ASH1L: variants seen among roughly 807,000 people sequenced by gnomAD.
ASH1L encodes histone-lysine N-methyltransferase ASH1L.
Under a neutral mutation model 269.0 loss-of-function variants are expected in ASH1L, and 23 were observed. The ratio of observed to expected loss-of-function variants is 0.09; its 90% CI spans 0.06 to 0.12. ASH1L has a LOEUF of 0.12. ASH1L is among the 10% of genes least tolerant of loss of function. The probability of loss-of-function intolerance (pLI) is 1.00; values close to 1 mark genes in which losing one functional copy is unlikely to be tolerated. For missense variants in ASH1L, 2,912 were observed against 3,567.8 expected, an observed-to-expected ratio of 0.82 and a Z score of 4.68; for synonymous variants, 1,187 against 1,253.5, an observed-to-expected ratio of 0.95 and a Z score of 1.12.
At chr1:155,370,399 T>G in intron 12 of ASH1L, 105 bp downstream of exon 12, 150 of 1,465,504 alleles carry the variant, frequency 1.0e-4, no homozygotes, top group Non-Finnish European at 1.2e-4. Flanking sequence ...GGGAACAGCC[T>G]GAGCTGCTTT....
At chr1:155,375,695 G>A (rs1245796901) in intron 10 of ASH1L, among the ~76,000 whole-genome samples, 1 of 152,112 alleles carries the variant, frequency 6.6e-6, no homozygotes, top group Non-Finnish European at 1.5e-5. Flanking sequence ...CAAGGATGAA[G>A]GATGAGGCAG....
At chr1:155,517,793 CTT>C (rs780065449) in intron 2 of ASH1L, among the ~76,000 whole-genome samples, 110 of 70,898 alleles carry the variant, frequency 1.6e-3, no homozygotes, top group African/African-American at 5.9e-3. Flanking sequence ...CCAATAATTT[CTT>C]TTTTTTTTTT....
chr1:155,368,193 C>G (rs1655610053), intron 12 of ASH1L, among the ~76,000 whole-genome samples: 1 of 152,086 alleles, frequency 6.6e-6, no homozygotes, highest in Non-Finnish European at 1.5e-5. Flanking sequence ...AGACAGGTCT[C>G]ACCATCTTGC....
chr1:155,380,803 A>ATTTTTTTTTT (rs34017490), intron 7 of ASH1L, among the ~76,000 whole-genome samples: 1 of 126,350 alleles, frequency 7.9e-6, no homozygotes, highest in Non-Finnish European at 1.7e-5. Context: ...GCTAATTTGT[A>ATTTTTTTTTT]TTTTTTTTTT....
intron 7 of ASH1L, among the ~76,000 whole-genome samples, chr1:155,382,647 A>G (rs1310117825): frequency 6.6e-6 from 1 of 152,154 alleles, no homozygotes; most frequent in Non-Finnish European, 1.5e-5. Flanking sequence ...TTTCAGTAGA[A>G]CAAGACATAC....
chr1:155,444,331 G>C (rs1662835120), intron 4 of ASH1L, among the ~76,000 whole-genome samples: 1 of 152,034 alleles, frequency 6.6e-6, no homozygotes, highest in South Asian at 2.1e-4. Flanking sequence ...TTTACAAAGT[G>C]ATTGTTCTAT....
At chr1:155,387,746 G>A (rs115581273) in intron 7 of ASH1L, among the ~76,000 whole-genome samples, 3,391 of 152,110 alleles carry the variant, frequency 0.022, 115 homozygotes, top group African/African-American at 0.078. Flanking sequence ...CCATTTTAAC[G>A]GTATTTATTC....
intron 3 of ASH1L, among the ~76,000 whole-genome samples, chr1:155,471,439 A>T (rs1665090230): frequency 6.6e-6 from 1 of 152,214 alleles, no homozygotes; most frequent in Non-Finnish European, 1.5e-5. Flanking sequence ...CTGAAAATTG[A>T]ATTAAAAAAC....
intron 17 of ASH1L, among the ~76,000 whole-genome samples, chr1:155,350,401 T>C (rs1048022509): frequency 2.0e-5 from 3 of 152,126 alleles, no homozygotes; most frequent in Non-Finnish European, 2.9e-5. Context: ...AAATGACAAT[T>C]CTAAGATTGT....
chr1:155,440,108 G>A (rs776372049), intron 4 of ASH1L, among the ~76,000 whole-genome samples: 1 of 151,930 alleles, frequency 6.6e-6, no homozygotes, highest in Non-Finnish European at 1.5e-5. Flanking sequence ...CCAGGAGTTC[G>A]AGACTAGCCT....
At chr1:155,359,669 G>A (rs762156702) in intron 13 of ASH1L, among the ~76,000 whole-genome samples, 2 of 151,812 alleles carry the variant, frequency 1.3e-5, no homozygotes, top group Non-Finnish European at 2.9e-5. Flanking sequence ...TCCACCTCCC[G>A]GGCTCAAGCA....
intron 2 of ASH1L, among the ~76,000 whole-genome samples, chr1:155,517,924 C>T (rs969179790): frequency 2.0e-5 from 3 of 149,308 alleles, no homozygotes; most frequent in African/African-American, 7.4e-5. Flanking sequence ...CCTCAGCCTC[C>T]CAAGTAGCTG....
Position 155,424,229 on chromosome 1 carries a change from A to C in ASH1L, c.5829-8306T>G, listed in dbSNP as rs186408071. On this transcript the variant is annotated intron_variant, in intron 5 of 27. Transcript: ENST00000392403. ...TCGTAGTAAAAACGATGAGAAATAA[A>C]GAACTTCAAGAGATCACTTTGTACT... is the stretch of plus-strand genomic sequence containing the variant. Among the ~76,000 whole-genome samples, 72 of 152,326 alleles carry C rather than the reference A, an allele frequency of 4.7e-4. No homozygotes were observed. In the East Asian group the frequency reaches 0.012, roughly 26 times the overall value.
intron 1 of ASH1L, among the ~76,000 whole-genome samples, chr1:155,546,945 C>CT (rs71080709): frequency 0.076 from 6,677 of 88,198 alleles, 1,801 homozygotes; most frequent in Non-Finnish European, 0.11. Context: ...TCATCACATT[C>CT]TTTTTTTTTT....
chr1:155,378,581 AT>A, intron 8 of ASH1L, 33 bp from the exon 9 acceptor site: 1 of 1,553,212 alleles, frequency 6.4e-7, no homozygotes, highest in African/African-American at 1.4e-5. Flanking sequence ...TTGATATAGC[AT>A]TTAACTTCAA....
At chr1:155,493,951 T>TA (rs1324751410) in intron 2 of ASH1L, among the ~76,000 whole-genome samples, 19 of 151,382 alleles carry the variant, frequency 1.3e-4, no homozygotes, top group South Asian at 4.2e-4. Flanking sequence ...TAACAGCAGT[T>TA]AAAAAAAAAT....
chr1:155,492,368 A>G (rs1290296495), intron 2 of ASH1L, among the ~76,000 whole-genome samples: 2 of 152,166 alleles, frequency 1.3e-5, no homozygotes, highest in Non-Finnish European at 2.9e-5. Flanking sequence ...TGGAAAAATC[A>G]TGTCCTTCTA....
Position 155,562,752 on chromosome 1 carries a change from G to T in ASH1L, c.-699C>A. On this transcript the variant is annotated 5_prime_UTR_variant, in exon 1 of 28. Transcript: ENST00000392403. Reference sequence around the variant, plus strand: ...ACTACCCCTCAGGCCCTGTCAAGCCGGCGCCGGCGCAGGCCCTCACGCGTA... The same window carrying T: ...ACTACCCCTCAGGCCCTGTCAAGCCTGCGCCGGCGCAGGCCCTCACGCGTA... 8.6e-7 allele frequency: 1 copy of T among 1,168,464 alleles called. No individual in the cohort carries two copies. The highest frequency in any genetic ancestry group is 1.2e-6 in the Non-Finnish European group (1 of 821,658). 72.4% of individuals were successfully genotyped at this position (1,168,464 alleles called of 1,614,324 possible).
At chr1:155,347,586 G>T (rs1221535694) in intron 20 of ASH1L, 70 bp downstream of exon 20, 1 of 1,585,548 alleles carries the variant, frequency 6.3e-7, no homozygotes, top group African/African-American at 1.3e-5. Flanking sequence ...AAAGAGGCAT[G>T]GGCTTCTTCT....
Sources: allele counts gnomAD v4.1 joint callset (sites outside exome capture counted in the v4.1 genomes callset), GRCh38; gene constraint gnomAD v4.1.1; transcripts MANE v1.5; gene names NCBI Gene and HGNC (gene_info 2026-07-23, HGNC 2026-07-21).